The following AIRE variants were observed in gnomAD, a reference collection of about 807,000 sequenced individuals.
AIRE encodes the protein autoimmune polyendocrinopathy candidiasis ectodermal dystrophy protein.
AIRE carries 52 observed loss-of-function variants against 62.1 expected under a neutral mutation model. The ratio of observed to expected loss-of-function variants is 0.84; its 90% confidence interval spans 0.67 to 1.06. The LOEUF (loss-of-function observed/expected upper bound fraction) is 1.06. Among genes scored for constraint, AIRE ranks in the 50% least tolerant of loss-of-function variants. AIRE has a pLI of 0.00. For synonymous variants in AIRE, 342 were observed against 321.6 expected (o/e 1.06, Z -0.68); for missense variants, 774 against 755.8 (o/e 1.02, Z -0.28).
rs768381413 is a variant in AIRE, at chr21:44,292,999, C to G, written c.1102C>G (p.Pro368Ala). 8.7e-6 allele frequency: 14 copies of G among 1,612,402 alleles called. No homozygotes were observed. The highest frequency in any genetic ancestry group is 8.5e-6 in the Non-Finnish European group (10 of 1,179,782). The change falls in exon 10 of 14, where the codon CCG becomes GCG. Residue 368 changes from proline to alanine, a missense_variant. By Grantham distance (27) the Pro-to-Ala change is conservative (BLOSUM62 -1). Transcript: ENST00000291582. Reference sequence around the variant, plus strand: ...GCTGACCCTTGGGTTCCAGCTCCCCCCGGGGCTTAGGTCGGCGGGAGAGGA... The same window carrying G: ...GCTGACCCTTGGGTTCCAGCTCCCCGCGGGGCTTAGGTCGGCGGGAGAGGA... ...QEPPVETPLP[P>A]GLRSAGEEVR...
chr21:44,296,329 C>T (rs2146387978), intron 12 of AIRE, 54 bp from the exon 13 acceptor site: 11 of 1,529,246 alleles, frequency 7.2e-6, no homozygotes, highest in Non-Finnish European at 1.0e-5. Flanking sequence ...GGCCTCTGTA[C>T]CCCCACCAGG....
intron 5 of AIRE, chr21:44,289,434 G>A: frequency 1.7e-6 from 1 of 592,972 alleles, no homozygotes; most frequent in Admixed American, 3.0e-5. Flanking sequence ...CACACTCTGA[G>A]GTTCTGGGTG....
intron 7 of AIRE, chr21:44,290,656 A>C (rs2040527115): frequency 1.7e-6 from 2 of 1,149,376 alleles, no homozygotes; most frequent in Non-Finnish European, 2.3e-6. Flanking sequence ...ATTCTGGAGG[A>C]AGTGGTACCT....
At chr21:44,293,999 C>A in intron 11 of AIRE, 89 bp downstream of exon 11, 1 of 1,484,070 alleles carries the variant, frequency 6.7e-7, no homozygotes, top group Non-Finnish European at 9.0e-7. Context: ...ATACAGCCCA[C>A]AACCACACCC....
In AIRE at chr21:44,285,908, G is replaced by T; in HGVS notation, c.-99G>T. Reference sequence around the variant, plus strand: ...CGGGCGGGCGCACAGCCGGCGCGGAGGCCCCACAGCCCCGCCGGGACCCGA... The same window carrying T: ...CGGGCGGGCGCACAGCCGGCGCGGATGCCCCACAGCCCCGCCGGGACCCGA... On this transcript the variant is annotated 5_prime_UTR_variant, in exon 1 of 14. In the 5' UTR this introduces an upstream ATG that the reference lacks. Coordinates refer to ENST00000291582, the MANE Select transcript of AIRE (RefSeq NM_000383.4). The T allele has an allele frequency of 8.2e-7, 1 of 1,219,962 alleles. No homozygotes were observed. The highest frequency in any genetic ancestry group is 3.4e-5 in the Admixed American group (1 of 29,060). 75.6% of individuals were successfully genotyped at this position (1,219,962 alleles called of 1,614,324 possible). A position where few individuals can be genotyped will look rare whatever the true frequency, so the allele number is the denominator to read the frequency against.
At chr21:44,291,872 C>T (rs1328013716) in intron 8 of AIRE, among the ~76,000 whole-genome samples, 1 of 152,192 alleles carries the variant, frequency 6.6e-6, no homozygotes, top group Non-Finnish European at 1.5e-5. Context: ...GAATAAGGGG[C>T]ACAGTGGGGG....
chr21:44,293,997 CACA>C, intron 11 of AIRE, 87 bp downstream of exon 11: 2 of 1,493,124 alleles, frequency 1.3e-6, no homozygotes, highest in Non-Finnish European at 1.8e-6. Context: ...TCATACAGCC[CACA>C]ACCACACCCC....
chr21:44,293,980 AC>A, intron 11 of AIRE, 70 bp downstream of exon 11: 1 of 1,241,672 alleles, frequency 8.1e-7, no homozygotes, highest in Non-Finnish European at 1.0e-6. Context: ...CACACTCCCC[AC>A]CCACATCATA....
chr21:44,294,714 C>G lies in AIRE; in HGVS notation c.1503+211C>G, dbSNP rs75349680. 1.0e-3 allele frequency among the ~76,000 whole-genome samples: 153 copies of G among 152,336 alleles called. 3 individuals are homozygous for G. In the East Asian group the frequency reaches 0.025, roughly 25 times the overall value. On this transcript the variant is annotated intron_variant, in intron 12 of 13. Coordinates refer to ENST00000291582, the MANE Select transcript of AIRE (RefSeq NM_000383.4). ...AACTTAAATATAGTTAAAAAGGAAG[C>G]TCCCCCCGAGGGTTGGTGGCTGACG...
At position 44,287,289 on chromosome 21, in the gene AIRE, CT is replaced by C; in HGVS notation, c.463+157del. On this transcript the variant is annotated intron_variant, in intron 3 of 13. Transcript: ENST00000291582. This position sits in a 1 kb window ranked among gnomAD's most constrained non-coding sequence, Gnocchi z 4.3. ...CTCCTCTGGGTACTAGACCCACACA[CT>C]GGACCAGCCTCTCAGCTCCCTCCTG... is the stretch of plus-strand genomic sequence containing the variant. 9.1e-6 allele frequency: 8 copies of C among 880,390 alleles called. No individual in the cohort carries two copies. Among genetic ancestry groups the C allele is most frequent in the Non-Finnish European group, 1.4e-5 (8 of 576,570 alleles). 54.5% of individuals were successfully genotyped at this position (880,390 alleles called of 1,614,324 possible). A position where few individuals can be genotyped will look rare whatever the true frequency, so the allele number is the denominator to read the frequency against.
Position 44,294,480 on chromosome 21 carries a change from C to T in AIRE, c.1480C>T (p.Arg494Cys), listed in dbSNP as rs1465595959. 13 of 1,533,616 alleles carry T rather than the reference C, an allele frequency of 8.5e-6. No individual in the cohort carries two copies. The highest frequency in any genetic ancestry group is 3.6e-5 in the South Asian group (3 of 82,752). The change falls in exon 12 of 14, where the codon CGC becomes TGC. Residue 494 changes from arginine to cysteine, a missense_variant. By Grantham distance (180) the Arg-to-Cys change is radical. This residue lies in a region of AIRE where 354 missense variants were observed against 296.1 expected (regional missense o/e 1.20). Transcript: ENST00000291582. ...VEGVLAPSPA[R>C]LAPGPAKDDT... ...GGGGGTGCTGGCCCCCAGCCCCGCC[C>T]GCCTGGCCCCTGGGCCTGCCAAGGT...
chr21:44,290,544 C>T, intron 7 of AIRE: 3 of 817,858 alleles, frequency 3.7e-6, no homozygotes, highest in Non-Finnish European at 4.4e-6. Flanking sequence ...AGGAGCCAGT[C>T]CTGCCCTGCA....
At chr21:44,295,414 A>C (rs1172445254) in intron 12 of AIRE, among the ~76,000 whole-genome samples, 1 of 152,130 alleles carries the variant, frequency 6.6e-6, no homozygotes, top group East Asian at 1.9e-4. Context: ...GCTTTTGTGG[A>C]ACAGTGGCGT....
At position 44,293,916 on chromosome 21, in the gene AIRE, T is replaced by G. The variant is rs757463079; in HGVS notation, c.1400+6T>G. The stretch of plus-strand genomic sequence containing the variant: ...GCCGGCACCTCCCGGCCCGGGTGAG[T>G]GAGCGTGGTCGGCGGGGAGGCCTGA... On this transcript the variant is annotated splice_donor_region_variant and intron_variant, in intron 11 of 13. Coordinates refer to ENST00000291582, the MANE Select transcript of AIRE (RefSeq NM_000383.4). 6.3e-7 allele frequency: 1 copy of G among 1,596,032 alleles called. No individual in the cohort carries two copies. Among genetic ancestry groups the G allele is most frequent in the Admixed American group, 1.7e-5 (1 of 59,880 alleles).
At chr21:44,296,723 G>A (rs1432242866) in intron 13 of AIRE, among the ~76,000 whole-genome samples, 2 of 115,818 alleles carry the variant, frequency 1.7e-5, no homozygotes, top group Admixed American at 9.8e-5. Context: ...TCCCCAACAA[G>A]AGCCCCCACA....
chr21:44,293,048 C>G lies in AIRE; in HGVS notation c.1151C>G (p.Pro384Arg). 1 of 1,612,524 alleles carries G rather than the reference C, an allele frequency of 6.2e-7. No individual in the cohort carries two copies. Among genetic ancestry groups the G allele is most frequent in the Non-Finnish European group, 8.5e-7 (1 of 1,179,840 alleles). Residue 384 changes from proline (P) to arginine (R), a missense_variant, in exon 10 of 14, where the codon CCC becomes CGC. By Grantham distance (103) the Pro-to-Arg change is moderately radical. This residue lies in a region of AIRE where 354 missense variants were observed against 296.1 expected (regional missense o/e 1.20). Coordinates refer to ENST00000291582, the MANE Select transcript of AIRE (RefSeq NM_000383.4). Reference sequence around the variant, plus strand: ...GAGGTAAGAGGTCCACCTGGGGAACCCCTAGCCGGCATGGACACGACTCTT... The same window carrying G: ...GAGGTAAGAGGTCCACCTGGGGAACGCCTAGCCGGCATGGACACGACTCTT... ...GEEVRGPPGE[P>R]LAGMDTTLVY... is the part of the protein sequence containing the mutation.
Position 44,287,191 on chromosome 21 carries a change from G to A in AIRE, c.463+58G>A. The A allele has an allele frequency of 6.3e-7, 1 of 1,598,818 alleles. No homozygotes were observed. Reference sequence around the variant, plus strand: ...CTCCAGTCTTCCCGGGCTTCCCCGGGAGCCCACGCCCCCTCCCCACCCGGG... The same window carrying A: ...CTCCAGTCTTCCCGGGCTTCCCCGGAAGCCCACGCCCCCTCCCCACCCGGG... On this transcript the variant is annotated intron_variant, in intron 3 of 13. Transcript: ENST00000291582. This position sits in a 1 kb window ranked among gnomAD's most constrained non-coding sequence, Gnocchi z 4.3.
intron 7 of AIRE, chr21:44,290,508 G>T: frequency 1.1e-6 from 1 of 923,636 alleles, no homozygotes; most frequent in Non-Finnish European, 1.3e-6. Flanking sequence ...CAGGGGCTCT[G>T]TGGGGCCCTG....
chr21:44,295,754 C>T, intron 12 of AIRE, among the ~76,000 whole-genome samples: 1 of 152,150 alleles, frequency 6.6e-6, no homozygotes, highest in South Asian at 2.1e-4. Context: ...GCAGCTCTCC[C>T]ACCCCCTGGG....
Sources: allele counts gnomAD v4.1 joint callset (sites outside exome capture counted in the v4.1 genomes callset), GRCh38; gene constraint gnomAD v4.1.1; regional missense constraint gnomAD v4.1.1; non-coding constraint Gnocchi (gnomAD v3.1); transcripts MANE v1.5; gene names NCBI Gene and HGNC (gene_info 2026-07-23, HGNC 2026-07-21).